Variants in SPTB observed in about 807,000 individuals in gnomAD.
SPTB encodes spectrin beta, erythrocytic, also known as spectrin beta chain, erythrocytic.
Under a neutral mutation model 256.2 loss-of-function variants are expected in SPTB, and 45 were observed. The ratio of observed to expected loss-of-function variants is 0.18; its 90% CI spans 0.14 to 0.23. The LOEUF (loss-of-function observed/expected upper bound fraction) is 0.23. SPTB is among the 10% of genes least tolerant of loss of function. SPTB has a pLI of 1.00. For synonymous variants in SPTB, 1,231 were observed against 1,243.1 expected (o/e 0.99, Z 0.21); for missense variants, 2,715 against 3,040.4 (o/e 0.89, Z 2.52).
intron 1 of SPTB, among the ~76,000 whole-genome samples, chr14:64,859,005 T>C (rs944879043): frequency 5.9e-5 from 9 of 152,214 alleles, no homozygotes; most frequent in African/African-American, 2.2e-4. Context: ...ACACCTGTAA[T>C]CCCAGCACTT....
In SPTB at chr14:64,823,767, A is replaced by G. The variant is rs1396140407; in HGVS notation, c.-51-622T>C. The stretch of plus-strand genomic sequence containing the variant: ...TTCCTTCCCAGCAGTTGGTATTCAG[A>G]AAGCTGACCTCGCATTTTAGGGCTT... On this transcript the variant is annotated intron_variant, in intron 1 of 35. Coordinates refer to ENST00000644917, the MANE Select transcript of SPTB (RefSeq NM_001355436.2). The surrounding 1 kb of genome is among the most constrained non-coding windows in gnomAD (Gnocchi z 6.5). 2.0e-5 allele frequency among the ~76,000 whole-genome samples: 3 copies of G among 152,172 alleles called. No homozygotes were observed. The highest frequency in any genetic ancestry group is 4.4e-5 in the Non-Finnish European group (3 of 68,034).
rs2082693552 is a variant in SPTB at position 64,792,633 on chromosome 14, A to G, written c.2666+364T>C. Among the ~76,000 whole-genome samples the G allele has an allele frequency of 1.3e-5, 2 of 152,160 alleles. No individual in the cohort carries two copies. Among genetic ancestry groups the G allele is most frequent in the Admixed American group, 1.3e-4 (2 of 15,286 alleles). On this transcript the variant is annotated intron_variant, in intron 14 of 35. Coordinates refer to ENST00000644917, the MANE Select transcript of SPTB (RefSeq NM_001355436.2). This position sits in a 1 kb window ranked among gnomAD's most constrained non-coding sequence, Gnocchi z 4.2. ...CTTAAGGACTGCCACAGAAAGCTAGAGCTGGCAGGGTCCTGGCCTCTCAAC... is the reference window on the plus strand; with the variant it reads ...CTTAAGGACTGCCACAGAAAGCTAGGGCTGGCAGGGTCCTGGCCTCTCAAC...
Position 64,823,890 on chromosome 14 carries a change from C to T in SPTB, c.-51-745G>A, listed in dbSNP as rs376171102. ...GCCTGCTGTCCCATCAAGCACGTGG[C>T]AGTCGGGGCATCCCATGGACAATGG... On this transcript the variant is annotated intron_variant, in intron 1 of 35. Coordinates refer to ENST00000644917, the MANE Select transcript of SPTB (RefSeq NM_001355436.2). This position sits in a 1 kb window ranked among gnomAD's most constrained non-coding sequence, Gnocchi z 6.5. Among the ~76,000 whole-genome samples, 51 of 152,350 alleles carry T rather than the reference C, an allele frequency of 3.3e-4. No homozygotes were observed. In the East Asian group the frequency reaches 4.4e-3, roughly 13 times the overall value.
intron 8 of SPTB, 83 bp downstream of exon 8, chr14:64,800,673 T>G (rs1340001230): frequency 5.6e-6 from 7 of 1,258,156 alleles, no homozygotes; most frequent in Non-Finnish European, 8.1e-6. Flanking sequence ...TCTTCACCCT[T>G]TCTTTGGTTG....
chr14:64,750,508 G>A (rs889496221), intron 33 of SPTB, among the ~76,000 whole-genome samples: 1 of 151,982 alleles, frequency 6.6e-6, no homozygotes, highest in Non-Finnish European at 1.5e-5. Context: ...AGGCAAGATG[G>A]CTAACACTTG....
At position 64,759,441 on chromosome 14, in the gene SPTB, G is replaced by T. The variant is rs1209384141; in HGVS notation, c.6346-5648C>A. 6.6e-6 allele frequency among the ~76,000 whole-genome samples: 1 copy of T among 152,222 alleles called. No individual in the cohort carries two copies. The highest frequency in any genetic ancestry group is 1.5e-5 in the Non-Finnish European group (1 of 68,044). On this transcript the variant is annotated intron_variant, in intron 32 of 35. Transcript: ENST00000644917. This position sits in a 1 kb window ranked among gnomAD's most constrained non-coding sequence, Gnocchi z 4.8. Reference sequence around the variant, plus strand: ...GGCCCTGGGTCAGGCTAGCAGCATGGTTTGGCAGGAGGACCCACCTCCCCT... The same window carrying T: ...GGCCCTGGGTCAGGCTAGCAGCATGTTTTGGCAGGAGGACCCACCTCCCCT...
chr14:64,850,249 G>A (rs2083761113), intron 1 of SPTB, among the ~76,000 whole-genome samples: 1 of 152,170 alleles, frequency 6.6e-6, no homozygotes, highest in African/African-American at 2.4e-5. Context: ...TGGGACACAG[G>A]ACAGGGGACG....
chr14:64,753,419 G>T (rs1248376989), intron 33 of SPTB, 118 bp downstream of exon 33: 16 of 1,518,726 alleles, frequency 1.1e-5, no homozygotes, highest in Non-Finnish European at 1.4e-5. Flanking sequence ...GCTCTCACAG[G>T]CCAAGGCAGA....
Position 64,764,018 on chromosome 14 carries a change from G to A in SPTB, c.6345+2708C>T, listed in dbSNP as rs1566739135. On this transcript the variant is annotated intron_variant, in intron 32 of 35. Transcript: ENST00000644917. This position sits in a 1 kb window ranked among gnomAD's most constrained non-coding sequence, Gnocchi z 4.2. ...GTTCCCCCCAGCAGGAAGCCGACAT[G>A]CACAGTGAGGGATTGTACATGAAGC... 2.0e-5 allele frequency among the ~76,000 whole-genome samples: 3 copies of A among 152,198 alleles called. No homozygotes were observed. The highest frequency in any genetic ancestry group is 7.2e-5 in the African/African-American group (3 of 41,434).
chr14:64,849,451 GA>G (rs762835730), intron 1 of SPTB, among the ~76,000 whole-genome samples: 1 of 152,336 alleles, frequency 6.6e-6, no homozygotes, highest in Non-Finnish European at 1.5e-5. Flanking sequence ...GTCCCTTCAA[GA>G]AAAGATAGGG....
At chr14:64,813,022 G>T (rs151134442) in intron 2 of SPTB, among the ~76,000 whole-genome samples, 1 of 152,134 alleles carries the variant, frequency 6.6e-6, no homozygotes, top group Admixed American at 6.5e-5. Context: ...TCAATGACAG[G>T]AAAGGATATT....
In SPTB at chr14:64,852,275, G is replaced by GGAA. The variant is rs944423050; in HGVS notation, c.-52+27514_-52+27516dup. ...AGCCAGGCACAACAGGGAAGTAAGA[G>GGAA]GAAAGCATATGTGGAGGCATGGAAG... On this transcript the variant is annotated intron_variant, in intron 1 of 35. Transcript: ENST00000644917. The surrounding 1 kb of genome is among the most constrained non-coding windows in gnomAD (Gnocchi z 4.2). Among the ~76,000 whole-genome samples, 26 of 152,076 alleles carry GGAA rather than the reference G, an allele frequency of 1.7e-4. No individual in the cohort carries two copies. The highest frequency in any genetic ancestry group is 6.3e-4 in the African/African-American group (26 of 41,400).
At chr14:64,753,894 C>T (rs1566733477) in intron 32 of SPTB, 101 bp from the exon 33 acceptor site, 5 of 1,492,596 alleles carry the variant, frequency 3.3e-6, no homozygotes, top group East Asian at 2.3e-5. Flanking sequence ...CTCTCCACAC[C>T]CCCAAGCCTA....
rs556939239 is a variant in SPTB, at chr14:64,794,565, A to T, written c.1697T>A (p.Leu566Gln). 1 of 1,614,212 alleles carries T rather than the reference A, an allele frequency of 6.2e-7. No homozygotes were observed. Among genetic ancestry groups the T allele is most frequent in the South Asian group, 1.1e-5 (1 of 91,084 alleles). ...TTCCATCAACTTGTGCTTCTGTAGCAGGTCTTCAACCTCCAACAAGTGCTT... is the reference window on the plus strand; with the variant it reads ...TTCCATCAACTTGTGCTTCTGTAGCTGGTCTTCAACCTCCAACAAGTGCTT... ...FGKHLLEVED[L>Q]LQKHKLMEAD... Residue 566 changes from leucine (L) to glutamine (Q), a missense_variant, in exon 13 of 36, where the codon CTG becomes CAG. By Grantham distance (113) the Leu-to-Gln change is moderately radical (BLOSUM62 -2). Coordinates refer to ENST00000644917, the MANE Select transcript of SPTB (RefSeq NM_001355436.2).
In SPTB at chr14:64,785,857, T is replaced by G. The variant is rs368552247; in HGVS notation, c.3656A>C (p.Asn1219Thr). The change falls in exon 17 of 36, where the codon AAC (asparagine) becomes ACC (threonine). Residue 1219 changes from asparagine (N) to threonine (T), a missense_variant. By Grantham distance (65) the Asn-to-Thr change is moderately conservative. This residue lies in a region of SPTB where 2,239 missense variants were observed against 2,384.4 expected (regional missense o/e 0.94). Transcript: ENST00000644917. This position sits in a 1 kb window ranked among gnomAD's most constrained non-coding sequence, Gnocchi z 4.4. ...AGGACTCAAGACCTTATCCCGGTTG[T>G]TCTCCATAGACCCCAAGAAATCCTC... ...KFEDFLGSME[N>T]NRDKVLSPVD... is the part of the protein sequence containing the mutation. 3.1e-6 allele frequency: 5 copies of G among 1,614,124 alleles called. No individual in the cohort carries two copies. The South Asian group carries it at 5.5e-5, about 18-fold the overall frequency.
chr14:64,874,273 T>G (rs903414567), intron 1 of SPTB, among the ~76,000 whole-genome samples: 3 of 152,202 alleles, frequency 2.0e-5, no homozygotes, highest in Non-Finnish European at 2.9e-5. Context: ...GTCTTCTCAT[T>G]CCCCAACCTG....
chr14:64,864,660 T>C (rs1235913927), intron 1 of SPTB, among the ~76,000 whole-genome samples: 1 of 152,196 alleles, frequency 6.6e-6, no homozygotes, highest in African/African-American at 2.4e-5. Context: ...CTCTAGAGAA[T>C]AGACAAGAAA....
intron 2 of SPTB, among the ~76,000 whole-genome samples, chr14:64,822,600 C>A (rs2083313141): frequency 6.6e-6 from 1 of 152,010 alleles, no homozygotes; most frequent in South Asian, 2.1e-4. Context: ...TCGGGGTTAA[C>A]CAGGAGGCCC....
rs763934653 is a variant in SPTB at position 64,827,521 on chromosome 14, G to A, written c.-51-4376C>T. ...TAACAATTTGGTATTGTGGCAACCC[G>A]GTCAGGAGATTAAATCCTGAAGTTT... On this transcript the variant is annotated intron_variant, in intron 1 of 35. Transcript: ENST00000644917. This position sits in a 1 kb window ranked among gnomAD's most constrained non-coding sequence, Gnocchi z 4.6. Among the ~76,000 whole-genome samples, 4 of 152,088 alleles carry A rather than the reference G, an allele frequency of 2.6e-5. No individual in the cohort carries two copies. Among genetic ancestry groups the A allele is most frequent in the South Asian group, 2.1e-4 (1 of 4,826 alleles).
Sources: gnomAD v4.1 joint callset for allele counts (sites outside exome capture counted in the v4.1 genomes callset) on GRCh38, gnomAD v4.1.1 for gene constraint, gnomAD v4.1.1 regional missense constraint, Gnocchi (gnomAD v3.1) non-coding constraint, MANE v1.5 for transcripts, NCBI Gene and HGNC (gene_info 2026-07-23, HGNC 2026-07-21) for gene names.